MGST1: variants seen among roughly 807,000 people sequenced by gnomAD.
The protein encoded by MGST1 is microsomal glutathione S-transferase 1, also known as glutathione S-transferase 12.
A neutral mutation model predicts 8.9 loss-of-function variants in MGST1; 5 were observed. That is an observed-to-expected ratio of 0.56 (90% CI 0.29 to 1.19). MGST1 has a LOEUF of 1.19. MGST1 is among the 50% of genes most tolerant of loss of function. MGST1 has a pLI of 0.08. For synonymous variants in MGST1, 54 were observed against 67.8 expected (o/e 0.80, Z 1.00); for missense variants, 182 against 187.4 (o/e 0.97, Z 0.17).
chr12:16,373,088 C>A (rs1940324458), intron 3 of MGST1, among the ~76,000 whole-genome samples: 2 of 144,970 alleles, frequency 1.4e-5, no homozygotes, highest in Admixed American at 1.4e-4. Flanking sequence ...AAAAAAAATT[C>A]TGTCATTTGA....
At chr12:16,525,198 G>A (rs1233728302) in intron 4 of MGST1, among the ~76,000 whole-genome samples, 1 of 151,268 alleles carries the variant, frequency 6.6e-6, no homozygotes, top group African/African-American at 2.4e-5. Context: ...ACATTGTGCA[G>A]GTTAGTTACA....
At chr12:16,515,935 A>G (rs576201844) in intron 4 of MGST1, among the ~76,000 whole-genome samples, 194 of 152,318 alleles carry the variant, frequency 1.3e-3, no homozygotes, top group Middle Eastern at 0.01. Flanking sequence ...GGCTTCACCC[A>G]TTGGAAAGAA....
In MGST1 at chr12:16,431,295, A is replaced by T. The variant is rs114995681; in HGVS notation, n.779-6093A>T. Among the ~76,000 whole-genome samples the T allele has an allele frequency of 3.5e-3, 537 of 152,236 alleles. 3 individuals carry two copies. Among genetic ancestry groups the T allele is most frequent in the African/African-American group, 0.012 (511 of 41,556 alleles). On this transcript the variant is annotated intron_variant and non_coding_transcript_variant, in intron 1 of 1. Transcript: ENST00000359720. ...TGGCTTTCTTATCATTCATGTGTTGACTGGAGTAGCACTTTTAATTTCCTT... is the reference window on the plus strand; with the variant it reads ...TGGCTTTCTTATCATTCATGTGTTGTCTGGAGTAGCACTTTTAATTTCCTT...
At chr12:16,527,895 A>G (rs1197563881) in intron 4 of MGST1, among the ~76,000 whole-genome samples, 1 of 152,056 alleles carries the variant, frequency 6.6e-6, no homozygotes, top group Non-Finnish European at 1.5e-5. Context: ...TAAGCACTGT[A>G]CAAGGTAGTC....
At chr12:16,554,820 C>A (rs1458816440) in intron 4 of MGST1, among the ~76,000 whole-genome samples, 1 of 152,118 alleles carries the variant, frequency 6.6e-6, no homozygotes, top group Non-Finnish European at 1.5e-5. Flanking sequence ...CCTCGACCGG[C>A]TCATTTTTTT....
At chr12:16,545,962 A>T (rs559454526) in intron 4 of MGST1, among the ~76,000 whole-genome samples, 1 of 152,078 alleles carries the variant, frequency 6.6e-6, no homozygotes, top group Non-Finnish European at 1.5e-5. Flanking sequence ...AAAGCACTAG[A>T]CCCAGAAAAC....
chr12:16,576,327 C>G lies in MGST1; in HGVS notation n.483-13201C>G, dbSNP rs143975873. ...CTTCTATCCCATCACTGAGCCTCAG[C>G]CCCAATGTGCTGTCTACTCCCTGGA... is the stretch of plus-strand genomic sequence containing the variant. On this transcript the variant is annotated intron_variant and non_coding_transcript_variant, in intron 4 of 4. Transcript: ENST00000538857. The surrounding 1 kb of genome is among the most constrained non-coding windows in gnomAD (Gnocchi z 4.1). Among the ~76,000 whole-genome samples the G allele has an allele frequency of 6.6e-6, 1 of 152,144 alleles. No individual in the cohort carries two copies. Among genetic ancestry groups the G allele is most frequent in the Non-Finnish European group, 1.5e-5 (1 of 68,020 alleles).
intron 1 of MGST1, among the ~76,000 whole-genome samples, chr12:16,404,859 C>T (rs978544808): frequency 6.6e-6 from 1 of 152,266 alleles, no homozygotes; most frequent in African/African-American, 2.4e-5. Flanking sequence ...CTCTGAGATA[C>T]ATTTTTTACA....
At chr12:16,441,294 A>G (rs1941036938), downstream of MGST1, among the ~76,000 whole-genome samples, 2 of 151,900 alleles carry the variant, frequency 1.3e-5, no homozygotes, top group Admixed American at 1.3e-4. Context: ...ATCCTACACC[A>G]GAACGATACA....
chr12:16,416,675 G>T (rs1368801087), intron 1 of MGST1, among the ~76,000 whole-genome samples: 1 of 152,094 alleles, frequency 6.6e-6, no homozygotes, highest in African/African-American at 2.4e-5. Context: ...TTGGAGATTG[G>T]GGTTTTAGTA....
At chr12:16,436,567 C>T (rs1444589471) in intron 1 of MGST1, among the ~76,000 whole-genome samples, 1 of 150,626 alleles carries the variant, frequency 6.6e-6, no homozygotes, top group African/African-American at 2.4e-5. Context: ...GAAAAAAAAA[C>T]AGTAAAAGGA....
chr12:16,434,184 GATAA>G (rs1404700760), intron 1 of MGST1, among the ~76,000 whole-genome samples: 2 of 152,022 alleles, frequency 1.3e-5, no homozygotes, highest in African/African-American at 4.8e-5. Context: ...TGGATGAGCA[GATAA>G]ATGAATGAAT....
At chr12:16,399,363 G>A (rs1940633162) in intron 1 of MGST1, 1 of 1,531,020 alleles carries the variant, frequency 6.5e-7, no homozygotes, top group Non-Finnish European at 9.0e-7. Flanking sequence ...ACTGTGCACA[G>A]ATGCCTTCCT....
At chr12:16,376,014 G>A (rs533687389) in intron 3 of MGST1, 7 of 708,908 alleles carry the variant, frequency 9.9e-6, no homozygotes, top group Admixed American at 7.8e-5. Flanking sequence ...ACACCTATAT[G>A]TACACACACA....
chr12:16,480,857 G>A (rs1297060626), intron 4 of MGST1, among the ~76,000 whole-genome samples: 1 of 152,090 alleles, frequency 6.6e-6, no homozygotes, highest in African/African-American at 2.4e-5. Context: ...GACCATTTGA[G>A]GCCAGTTTGA....
chr12:16,423,823 T>C (rs1940863039), intron 1 of MGST1, among the ~76,000 whole-genome samples: 1 of 152,180 alleles, frequency 6.6e-6, no homozygotes, highest in Non-Finnish European at 1.5e-5. Context: ...CAGAAAGTTG[T>C]CATTCCCCAC....
intron 1 of MGST1, among the ~76,000 whole-genome samples, chr12:16,414,447 G>C (rs1025412848): frequency 7.5e-6 from 1 of 132,634 alleles, no homozygotes; most frequent in Admixed American, 8.8e-5. Flanking sequence ...ATGGAGTCTT[G>C]CTCTGTTGCC....
intron 1 of MGST1, chr12:16,400,839 T>A: frequency 5.8e-6 from 7 of 1,211,398 alleles, no homozygotes; most frequent in Middle Eastern, 1.9e-4. Flanking sequence ...TCGATGTAGA[T>A]CTTCATTTCC....
intron 3 of MGST1, among the ~76,000 whole-genome samples, chr12:16,358,772 T>C (rs1478226633): frequency 2.9e-5 from 4 of 136,470 alleles, no homozygotes; most frequent in African/African-American, 1.1e-4. Context: ...CTGGCCAAAA[T>C]TCATTCCTTT....
Sources: allele counts gnomAD v4.1 joint callset (sites outside exome capture counted in the v4.1 genomes callset), GRCh38; gene constraint gnomAD v4.1.1; non-coding constraint Gnocchi (gnomAD v3.1); transcripts MANE v1.5; gene names NCBI Gene and HGNC (gene_info 2026-07-23, HGNC 2026-07-21).